Variants in PRR11 observed in about 807,000 individuals in gnomAD.
PRR11 encodes the protein proline rich 11.
In PRR11, 30 loss-of-function variants were observed where a neutral mutation model predicts 45.6. The observed-to-expected ratio is 0.66, with a 90% confidence interval of 0.49 to 0.89. The LOEUF is 0.89. Ranked by LOEUF, PRR11 falls within the 40% of genes least tolerant of loss-of-function variation. The pLI is 0.00. For missense variants in PRR11, 373 were observed against 424.8 expected (o/e 0.88, Z 1.07); for synonymous variants, 128 against 153.5 (o/e 0.83, Z 1.23).
intron 1 of PRR11, among the ~76,000 whole-genome samples, chr17:59,162,249 CAGAG>C (rs1555714847): frequency 2.7e-4 from 37 of 135,066 alleles, no homozygotes; most frequent in East Asian, 2.3e-3. Context: ...CACACACACA[CAGAG>C]AGAGAGAGAG....
At chr17:59,181,778 G>T (rs557901221) in intron 2 of PRR11, 18 of 1,552,484 alleles carry the variant, frequency 1.2e-5, no homozygotes, top group Admixed American at 1.0e-4. Flanking sequence ...ACCATGTAAT[G>T]CTTCTGCAAC....
In PRR11 at chr17:59,206,274, A is replaced by G. The variant is rs2687068; in HGVS notation, c.*4643A>G. Among the ~76,000 whole-genome samples, 6 of 152,140 alleles carry G rather than the reference A, an allele frequency of 3.9e-5. No homozygotes were observed. Among genetic ancestry groups the G allele is most frequent in the East Asian group, 3.9e-4 (2 of 5,164 alleles). On this transcript the variant is annotated 3_prime_UTR_variant, in exon 10 of 10. Transcript: ENST00000262293. ...CCAGCTACTCAGGAGACTGAGGTGG[A>G]AGAATCACTTGAGCCCGGGAGGTTG... is the stretch of plus-strand genomic sequence containing the variant.
chr17:59,174,941 T>G, intron 2 of PRR11: 1 of 883,360 alleles, frequency 1.1e-6, no homozygotes, highest in Non-Finnish European at 1.7e-6. Flanking sequence ...CTCCTCCACC[T>G]ACCCCCACCC....
intron 1 of PRR11, among the ~76,000 whole-genome samples, chr17:59,157,084 T>C (rs952612382): frequency 6.6e-6 from 1 of 152,232 alleles, no homozygotes; most frequent in Admixed American, 6.5e-5. Context: ...TGGTATGATA[T>C]GAAGAAGTAA....
intron 4 of PRR11, among the ~76,000 whole-genome samples, chr17:59,189,581 G>A (rs557846994): frequency 6.6e-6 from 1 of 152,032 alleles, no homozygotes; most frequent in Non-Finnish European, 1.5e-5. Context: ...TGATCTGCCT[G>A]CCTCGGCCTC....
At chr17:59,178,563 A>G in intron 2 of PRR11, 2 of 526,586 alleles carry the variant, frequency 3.8e-6, no homozygotes, top group South Asian at 2.8e-5. Context: ...CAGCTTGAAA[A>G]GCAGGACAGG....
rs183300845 is a variant in PRR11, at chr17:59,181,020, C to G, written c.129-4034C>G. Among the ~76,000 whole-genome samples, 65 of 151,314 alleles carry G rather than the reference C, an allele frequency of 4.3e-4. 2 individuals are homozygous for G. The highest frequency in any genetic ancestry group is 4.2e-3 in the Admixed American group (64 of 15,232). ...TTTTTGTTTTTTTGAGACAGAGTCT[C>G]TCTCTGTCACCCAGGCTGGAGTGTA... On this transcript the variant is annotated intron_variant, in intron 2 of 9. Transcript: ENST00000262293.
intron 1 of PRR11, among the ~76,000 whole-genome samples, chr17:59,156,984 C>A (rs1481985019): frequency 1.3e-5 from 2 of 152,196 alleles, no homozygotes; most frequent in Non-Finnish European, 2.9e-5. Flanking sequence ...GCGCCAACTC[C>A]TGCAAAAGAC....
chr17:59,193,806 T>C, intron 5 of PRR11, 72 bp downstream of exon 5: 12 of 1,526,230 alleles, frequency 7.9e-6, no homozygotes, highest in Non-Finnish European at 9.8e-6. Context: ...TAAAGCCAAG[T>C]GGCCTTTTAA....
intron 2 of PRR11, among the ~76,000 whole-genome samples, chr17:59,175,542 G>A (rs557996743): frequency 5.3e-5 from 8 of 152,226 alleles, no homozygotes; most frequent in East Asian, 3.9e-4. Context: ...CAGGTGGGTC[G>A]CTTGAGGCCA....
Position 59,184,855 on chromosome 17 carries a change from T to G in PRR11, c.129-199T>G, listed in dbSNP as rs1011991696. ...ACACCACCATGCCTGATTAAGTTTT[T>G]TTTTTTTTTTTTTTTTTTTTTGGCA... is the stretch of plus-strand genomic sequence containing the variant. On this transcript the variant is annotated intron_variant, in intron 2 of 9. Coordinates refer to ENST00000262293, the MANE Select transcript of PRR11 (RefSeq NM_018304.4). 2.1e-4 allele frequency among the ~76,000 whole-genome samples: 29 copies of G among 139,612 alleles called. No homozygotes were observed. In the South Asian group the frequency reaches 5.1e-3, roughly 25 times the overall value. The allele number at this position is 139,612 out of a possible 152,430, so 91.6% of individuals were successfully genotyped here. A position where few individuals can be genotyped will look rare whatever the true frequency, so the allele number is the denominator to read the frequency against.
chr17:59,181,717 C>T, intron 2 of PRR11: 1 of 1,555,750 alleles, frequency 6.4e-7, no homozygotes, highest in Non-Finnish European at 8.7e-7. Context: ...GCAAAGGGAC[C>T]TACATGGGAG....
chr17:59,201,098 C>T (rs1449879273), intron 9 of PRR11, among the ~76,000 whole-genome samples: 1 of 152,122 alleles, frequency 6.6e-6, no homozygotes, highest in Admixed American at 6.6e-5. Context: ...TCCCTCACCC[C>T]ACCCCACCCT....
intron 2 of PRR11, chr17:59,179,763 CA>C: frequency 7.2e-7 from 1 of 1,388,002 alleles, no homozygotes; most frequent in Non-Finnish European, 1.0e-6. Flanking sequence ...TCCTCAGGCT[CA>C]GGGGCGAGCT....
rs912001977 is a variant in PRR11 at position 59,172,391 on chromosome 17, C to T, written c.128+2511C>T. Among the ~76,000 whole-genome samples the T allele has an allele frequency of 7.2e-5, 11 of 152,262 alleles. No homozygotes were observed. The South Asian group carries it at 8.3e-4, about 11-fold the overall frequency. On this transcript the variant is annotated intron_variant, in intron 2 of 9. Coordinates refer to ENST00000262293, the MANE Select transcript of PRR11 (RefSeq NM_018304.4). ...GTGCTGGCAGCCCTCGCTCGCTTTC[C>T]GTGCCTCCTCACCTGGGCGCCCACT...
chr17:59,198,873 A>G (rs2046879300), intron 9 of PRR11, among the ~76,000 whole-genome samples: 1 of 152,124 alleles, frequency 6.6e-6, no homozygotes, highest in Non-Finnish European at 1.5e-5. Context: ...TAGGATTATC[A>G]TGTCTATCTG....
At position 59,185,573 on chromosome 17, in the gene PRR11, T is replaced by G; in HGVS notation, c.402+11T>G. 1 of 1,584,248 alleles carries G rather than the reference T, an allele frequency of 6.3e-7. No individual in the cohort carries two copies. On this transcript the variant is annotated intron_variant, in intron 4 of 9. Coordinates refer to ENST00000262293, the MANE Select transcript of PRR11 (RefSeq NM_018304.4). ...CAGGAAGCACTGAAGGTTGGTATTG[T>G]CAAATAAAAAGCAAATCTGGAATTA...
chr17:59,196,977 T>G (rs2046869042), intron 7 of PRR11, among the ~76,000 whole-genome samples: 1 of 151,744 alleles, frequency 6.6e-6, no homozygotes, highest in Non-Finnish European at 1.5e-5. Flanking sequence ...GCCTCCCGAG[T>G]AGCTGGGATT....
intron 2 of PRR11, among the ~76,000 whole-genome samples, chr17:59,183,201 C>T (rs1742083242): frequency 1.3e-5 from 2 of 152,284 alleles, no homozygotes; most frequent in African/African-American, 4.8e-5. Flanking sequence ...CCTCAGACCA[C>T]CATCCAAAAG....
Sources: allele counts gnomAD v4.1 joint callset (sites outside exome capture counted in the v4.1 genomes callset), GRCh38; gene constraint gnomAD v4.1.1; transcripts MANE v1.5; gene names NCBI Gene and HGNC (gene_info 2026-07-23, HGNC 2026-07-21).